Variants in PRDM6 observed in about 807,000 individuals in gnomAD.
PRDM6 encodes the protein putative histone-lysine N-methyltransferase PRDM6.
Under a neutral mutation model 60.8 loss-of-function variants are expected in PRDM6, and 25 were observed. The observed-to-expected ratio is 0.41, with a 90% CI of 0.30 to 0.57. The LOEUF is 0.57. Among genes scored for constraint, PRDM6 ranks in the 20% least tolerant of loss-of-function variants. The pLI is 0.27. For missense variants in PRDM6, 839 were observed against 821.3 expected, an observed-to-expected ratio of 1.02 and a Z score of -0.26; for synonymous variants, 407 against 357.4, an observed-to-expected ratio of 1.14 and a Z score of -1.57.
At chr5:123,097,800 C>T (rs752801250) in intron 2 of PRDM6, among the ~76,000 whole-genome samples, 1 of 152,258 alleles carries the variant, frequency 6.6e-6, no homozygotes, top group Non-Finnish European at 1.5e-5. Flanking sequence ...CAGAAGAGGG[C>T]CTTTGTGCAA....
chr5:123,123,844 G>A (rs928179111), intron 3 of PRDM6, among the ~76,000 whole-genome samples: 3 of 152,138 alleles, frequency 2.0e-5, no homozygotes, highest in African/African-American at 7.2e-5. Context: ...AGTTCTATGG[G>A]CTCTCGTTAG....
intron 5 of PRDM6, among the ~76,000 whole-genome samples, chr5:123,168,825 T>G (rs1248620833): frequency 1.3e-5 from 2 of 152,274 alleles, no homozygotes; most frequent in Non-Finnish European, 2.9e-5. Context: ...ACACATGTGA[T>G]GCTGCAGAAT....
chr5:123,146,881 C>T (rs1235294781), intron 3 of PRDM6, among the ~76,000 whole-genome samples: 1 of 152,112 alleles, frequency 6.6e-6, no homozygotes, highest in Non-Finnish European at 1.5e-5. Flanking sequence ...GAAAGCTGCC[C>T]TTTGTTTACA....
chr5:123,144,298 C>T (rs1009222943), intron 3 of PRDM6, among the ~76,000 whole-genome samples: 2 of 152,202 alleles, frequency 1.3e-5, no homozygotes, highest in African/African-American at 4.8e-5. Context: ...CTGCTCTCCC[C>T]CATAGTGGAT....
At chr5:123,147,625 A>AG (rs1765276731) in intron 3 of PRDM6, among the ~76,000 whole-genome samples, 1 of 152,224 alleles carries the variant, frequency 6.6e-6, no homozygotes, top group African/African-American at 2.4e-5. Flanking sequence ...AACATCAAAG[A>AG]GGGCGGGTCT....
chr5:123,096,706 C>T (rs1309108937), intron 2 of PRDM6, among the ~76,000 whole-genome samples: 1 of 152,156 alleles, frequency 6.6e-6, no homozygotes, highest in African/African-American at 2.4e-5. Flanking sequence ...ATTGGGAGAG[C>T]CTCAGTTTTT....
In PRDM6 at chr5:123,155,896, G is replaced by A. The variant is rs945904290; in HGVS notation, c.913G>A (p.Asp305Asn). 1.5e-5 allele frequency: 23 copies of A among 1,551,308 alleles called. No homozygotes were observed. Among genetic ancestry groups the A allele is most frequent in the South Asian group, 1.1e-4 (9 of 84,034 alleles). Residue 305 changes from aspartate (D) to asparagine (N), a missense_variant, in exon 4 of 8, where the codon GAT becomes AAT. This residue lies in a region of PRDM6 where 730 missense variants were observed against 648.8 expected (regional missense o/e 1.13). Transcript: ENST00000407847. ...TQHLWEIYDQDGTLQHFIDGG... is the reference protein window; with the variant it reads ...TQHLWEIYDQNGTLQHFIDGG... ...ACCTCTTCTCCAGATATATGACCAG[G>A]ATGGGACACTACAGCACTTTATTGA...
chr5:123,112,061 C>A (rs1417586518), intron 3 of PRDM6, among the ~76,000 whole-genome samples: 1 of 152,224 alleles, frequency 6.6e-6, no homozygotes, highest in African/African-American at 2.4e-5. Flanking sequence ...TATTTCAGAA[C>A]TCCGCCTGGC....
intron 3 of PRDM6, among the ~76,000 whole-genome samples, chr5:123,124,947 A>G (rs914418255): frequency 4.6e-5 from 7 of 152,168 alleles, no homozygotes; most frequent in African/African-American, 1.4e-4. Context: ...ATGATATTGC[A>G]TCCAGATCTG....
intron 3 of PRDM6, among the ~76,000 whole-genome samples, chr5:123,130,500 T>C (rs1764807694): frequency 6.6e-6 from 1 of 151,686 alleles, no homozygotes; most frequent in Admixed American, 6.6e-5. Context: ...ATATGTTTTT[T>C]GGTTAGAATC....
rs1257489330 is a variant in PRDM6 at position 123,159,667 on chromosome 5, C to T, written c.1153+29C>T. 5 of 1,547,920 alleles carry T rather than the reference C, an allele frequency of 3.2e-6. No individual in the cohort carries two copies. In the Middle Eastern group the frequency reaches 5.0e-4, roughly 155 times the overall value. Reference sequence around the variant, plus strand: ...AGAATTTATTTTAGCTCTGAATTCACATTTCAATATACCTATTTCAAAGCT... The same window carrying T: ...AGAATTTATTTTAGCTCTGAATTCATATTTCAATATACCTATTTCAAAGCT... On this transcript the variant is annotated intron_variant, in intron 5 of 7. Coordinates refer to ENST00000407847, the MANE Select transcript of PRDM6 (RefSeq NM_001136239.4).
At chr5:123,141,984 A>G (rs934020366) in intron 3 of PRDM6, among the ~76,000 whole-genome samples, 1 of 152,156 alleles carries the variant, frequency 6.6e-6, no homozygotes, top group African/African-American at 2.4e-5. Flanking sequence ...AAACATTTGC[A>G]TAACTGAATT....
intron 3 of PRDM6, among the ~76,000 whole-genome samples, chr5:123,115,678 C>T (rs776464743): frequency 3.3e-5 from 5 of 152,112 alleles, no homozygotes; most frequent in Non-Finnish European, 7.4e-5. Context: ...GCTGCTTGTC[C>T]TCATCATAAA....
chr5:123,159,566 C>T lies in PRDM6; in HGVS notation c.1081C>T (p.Leu361=). 1 of 1,551,516 alleles carries T rather than the reference C, an allele frequency of 6.4e-7. No individual in the cohort carries two copies. The highest frequency in any genetic ancestry group is 8.7e-7 in the Non-Finnish European group (1 of 1,146,800). The part of the protein sequence containing the change: ...CIDIPRGTEL[L]VWYNDSYTSF... ...AGATATCCCTAGGGGCACCGAGCTT[C>T]TGGTGTGGTACAATGACAGCTATAC... The change falls in exon 5 of 8, where the codon CTG becomes TTG. Residue 361 remains leucine (L), a synonymous_variant. Coordinates refer to ENST00000407847, the MANE Select transcript of PRDM6 (RefSeq NM_001136239.4).
At chr5:123,111,571 G>C (rs901058813) in intron 3 of PRDM6, among the ~76,000 whole-genome samples, 1 of 152,108 alleles carries the variant, frequency 6.6e-6, no homozygotes, top group African/African-American at 2.4e-5. Flanking sequence ...GGTGACGGGC[G>C]CCTGTAGTCC....
intron 6 of PRDM6, among the ~76,000 whole-genome samples, chr5:123,177,938 C>T (rs1334075087): frequency 2.6e-5 from 4 of 152,094 alleles, no homozygotes; most frequent in East Asian, 1.9e-4. Flanking sequence ...CTGAGTTCTG[C>T]GAAGTTTTAA....
chr5:123,148,333 C>G (rs1765294097), intron 3 of PRDM6, among the ~76,000 whole-genome samples: 1 of 152,074 alleles, frequency 6.6e-6, no homozygotes, highest in South Asian at 2.1e-4. Flanking sequence ...ACCTTTGAAG[C>G]CACATTTTAG....
Position 123,155,892 on chromosome 5 carries a change from C to G in PRDM6, c.909C>G (p.Asp303Glu). 1 of 1,551,084 alleles carries G rather than the reference C, an allele frequency of 6.4e-7. No individual in the cohort carries two copies. The highest frequency in any genetic ancestry group is 8.7e-7 in the Non-Finnish European group (1 of 1,146,722). ...RNTQHLWEIY[D>E]QDGTLQHFID... ...TCTGACCTCTTCTCCAGATATATGA[C>G]CAGGATGGGACACTACAGCACTTTA... is the stretch of plus-strand genomic sequence containing the variant. The change falls in exon 4 of 8, where the codon GAC (aspartate) becomes GAG (glutamate). Residue 303 changes from aspartate (D) to glutamate (E), a missense_variant. Physicochemically the swap from Asp to Glu is conservative, Grantham distance 45. This residue lies in a region of PRDM6 where 730 missense variants were observed against 648.8 expected (regional missense o/e 1.13). Transcript: ENST00000407847.
chr5:123,106,856 A>T (rs1013159047), intron 3 of PRDM6, among the ~76,000 whole-genome samples: 6 of 152,236 alleles, frequency 3.9e-5, no homozygotes, highest in Admixed American at 3.3e-4. Context: ...TATTGCAATC[A>T]TTTACAAAAT....
Sources: allele counts gnomAD v4.1 joint callset (sites outside exome capture counted in the v4.1 genomes callset), GRCh38; gene constraint gnomAD v4.1.1; regional missense constraint gnomAD v4.1.1; transcripts MANE v1.5; gene names NCBI Gene and HGNC (gene_info 2026-07-23, HGNC 2026-07-21).